GSTO2: variants seen among roughly 807,000 people sequenced by gnomAD.
GSTO2 encodes glutathione S-transferase omega 2.
Under a neutral mutation model 28.4 loss-of-function variants are expected in GSTO2, and 23 were observed. That is an observed-to-expected ratio of 0.81 (90% CI 0.58 to 1.15). The LOEUF is 1.15. Ranked by LOEUF, GSTO2 falls within the 50% of genes most tolerant of loss-of-function variation. GSTO2 has a pLI of 0.00. For synonymous variants in GSTO2, 109 were observed against 111.0 expected (o/e 0.98, Z 0.11); for missense variants, 298 against 297.8 (o/e 1.00, Z 0.00).
intron 4 of GSTO2, 23 bp downstream of exon 4, chr10:104,278,139 C>T: frequency 6.4e-7 from 1 of 1,558,354 alleles, no homozygotes; most frequent in Non-Finnish European, 8.8e-7. Context: ...TAAAAAGTCA[C>T]TCACACTGTA....
intron 3 of GSTO2, 85 bp downstream of exon 3, chr10:104,275,419 C>T (rs2011586721): frequency 3.4e-5 from 42 of 1,238,616 alleles, no homozygotes; most frequent in Non-Finnish European, 4.5e-5. Flanking sequence ...GCGCCCTGCT[C>T]AGCTTTTACA....
intron 1 of GSTO2, among the ~76,000 whole-genome samples, chr10:104,269,728 T>C (rs1385468559): frequency 2.0e-5 from 3 of 152,176 alleles, no homozygotes; most frequent in Non-Finnish European, 2.9e-5. Context: ...TAGCTAATGT[T>C]GAACACTTAC....
intron 5 of GSTO2, among the ~76,000 whole-genome samples, chr10:104,280,583 G>A (rs1425490205): frequency 6.6e-6 from 1 of 152,210 alleles, no homozygotes; most frequent in East Asian, 1.9e-4. Flanking sequence ...GAAGAAGGGG[G>A]AAATGGGTGC....
Position 104,274,841 on chromosome 10 carries a change from G to T in GSTO2, c.-75G>T. 6.5e-7 allele frequency: 1 copy of T among 1,548,420 alleles called. No individual in the cohort carries two copies. Among genetic ancestry groups the T allele is most frequent in the Non-Finnish European group, 8.8e-7 (1 of 1,137,500 alleles). Reference sequence around the variant, plus strand: ...GCGCGCCAGAGCGCAGCTGTTTCTGGAGCCTGCGGCAGCGGTGGCGAGCCA... The same window carrying T: ...GCGCGCCAGAGCGCAGCTGTTTCTGTAGCCTGCGGCAGCGGTGGCGAGCCA... On this transcript the variant is annotated 5_prime_UTR_variant, in exon 2 of 7. Coordinates refer to ENST00000338595, the MANE Select transcript of GSTO2 (RefSeq NM_183239.2).
intron 1 of GSTO2, among the ~76,000 whole-genome samples, chr10:104,271,244 C>A (rs1421326566): frequency 6.6e-6 from 1 of 152,214 alleles, no homozygotes; most frequent in East Asian, 1.9e-4. Flanking sequence ...ATTCAATTGG[C>A]ATTAAACTGG....
At position 104,274,924 on chromosome 10, in the gene GSTO2, G is replaced by A. The variant is rs779211866; in HGVS notation, c.9G>A (p.Gly3=). The change falls in exon 2 of 7, where the codon GGG becomes GGA. Residue 3 remains glycine (G), a synonymous_variant. Coordinates refer to ENST00000338595, the MANE Select transcript of GSTO2 (RefSeq NM_183239.2). MS[G]DATRTLGKGS... ...CAAACCACCTGGAGACCATGTCTGGGGATGCGACCAGGACCCTGGGGAAAG... is the reference window on the plus strand; with the variant it reads ...CAAACCACCTGGAGACCATGTCTGGAGATGCGACCAGGACCCTGGGGAAAG... The A allele has an allele frequency of 1.2e-6, 2 of 1,610,002 alleles. No homozygotes were observed. The highest frequency in any genetic ancestry group is 1.3e-5 in the African/African-American group (1 of 74,814).
intron 5 of GSTO2, among the ~76,000 whole-genome samples, chr10:104,290,799 A>T (rs977760260): frequency 1.3e-5 from 2 of 152,184 alleles, no homozygotes; most frequent in Non-Finnish European, 2.9e-5. Context: ...TACAAAAAAC[A>T]GAAAGAATGA....
chr10:104,304,206 C>T lies in GSTO2; in HGVS notation c.*4922C>T, dbSNP rs554053798. ...AAACACTGTGCCCACCTGGGAGACC[C>T]ATTTTCATTTATCTTCTTCTTTGAG... On this transcript the variant is annotated 3_prime_UTR_variant, in exon 7 of 7. Transcript: ENST00000338595. 23 of 152,434 alleles carry T rather than the reference C, an allele frequency of 1.5e-4. No individual in the cohort carries two copies. The highest frequency in any genetic ancestry group is 5.1e-4 in the African/African-American group (21 of 41,584). 9.4% of individuals were successfully genotyped at this position (152,434 alleles called of 1,614,324 possible).
chr10:104,274,498 G>A (rs1485062105), intron 1 of GSTO2, among the ~76,000 whole-genome samples, 187 bp from the exon 2 acceptor site: 3 of 151,652 alleles, frequency 2.0e-5, no homozygotes, highest in African/African-American at 7.3e-5. Flanking sequence ...ATTCAGAATG[G>A]GAAAAAAAAA....
rs1013222535 is a variant in GSTO2 at position 104,274,748 on chromosome 10, G to A, written c.-168G>A. The A allele has an allele frequency of 3.9e-6, 3 of 778,124 alleles. 1 individual carries two copies. Among genetic ancestry groups the A allele is most frequent in the South Asian group, 3.2e-5 (2 of 62,728 alleles). The allele number at this position is 778,124 out of a possible 1,614,324, so 48.2% of individuals were successfully genotyped here. On this transcript the variant is annotated 5_prime_UTR_variant, in exon 2 of 7. Coordinates refer to ENST00000338595, the MANE Select transcript of GSTO2 (RefSeq NM_183239.2). Reference sequence around the variant, plus strand: ...CCCAGGTTAAATTACCCTAGCTCCTGCTCCAGATCGCTTCCCCGTGCCCCG... The same window carrying A: ...CCCAGGTTAAATTACCCTAGCTCCTACTCCAGATCGCTTCCCCGTGCCCCG...
chr10:104,275,168 T>G, intron 2 of GSTO2, 58 bp from the exon 3 acceptor site: 2 of 1,551,790 alleles, frequency 1.3e-6, no homozygotes, highest in Non-Finnish European at 1.7e-6. Context: ...GCGAGCTCCT[T>G]CCTCACCGGG....
intron 5 of GSTO2, among the ~76,000 whole-genome samples, chr10:104,284,363 G>GA (rs564443029): frequency 2.0e-4 from 29 of 148,612 alleles, no homozygotes; most frequent in African/African-American, 3.9e-4. Flanking sequence ...TTGTCTCCAA[G>GA]AAAAAAAAAA....
intron 4 of GSTO2, among the ~76,000 whole-genome samples, chr10:104,279,081 T>A (rs902562050): frequency 6.6e-6 from 1 of 152,026 alleles, no homozygotes; most frequent in Non-Finnish European, 1.5e-5. Context: ...CTTAGAGAGG[T>A]TGAGTGTCCC....
chr10:104,276,456 A>G (rs7896341), intron 3 of GSTO2, among the ~76,000 whole-genome samples: 4,471 of 152,342 alleles, frequency 0.029, 205 homozygotes, highest in African/African-American at 0.1. Context: ...GAGGTGGGAT[A>G]GAAGCTGTCC....
At chr10:104,287,887 CTTTT>C (rs397760653) in intron 5 of GSTO2, among the ~76,000 whole-genome samples, 1 of 116,208 alleles carries the variant, frequency 8.6e-6, no homozygotes, top group Non-Finnish European at 1.8e-5. Flanking sequence ...GAAAAAAACA[CTTTT>C]TTTTTTTTTT....
chr10:104,287,094 C>T (rs1957300002), intron 5 of GSTO2, among the ~76,000 whole-genome samples: 1 of 152,212 alleles, frequency 6.6e-6, no homozygotes, highest in Admixed American at 6.5e-5. Flanking sequence ...TACTCTGTTG[C>T]CCAGGCTGGA....
At chr10:104,283,321 A>G (rs1287140163) in intron 5 of GSTO2, among the ~76,000 whole-genome samples, 1 of 152,208 alleles carries the variant, frequency 6.6e-6, no homozygotes, top group East Asian at 1.9e-4. Flanking sequence ...GTCCCATAGA[A>G]TGTTAGCAAG....
chr10:104,288,001 C>T (rs543925000), intron 5 of GSTO2, among the ~76,000 whole-genome samples: 34 of 150,968 alleles, frequency 2.3e-4, no homozygotes, highest in African/African-American at 7.8e-4. Flanking sequence ...CATTCTCCTG[C>T]CTCAGCCTCC....
At position 104,299,297 on chromosome 10, in the gene GSTO2, A is replaced by T. The variant is rs776819771; in HGVS notation, c.*13A>T. On this transcript the variant is annotated 3_prime_UTR_variant, in exon 7 of 7. Transcript: ENST00000338595. ...TGGGCTGTGCTGAGTCTCACTGTCC[A>T]CCCCTTCGCTGTCCAGAATTCCCCA... 1.7e-5 allele frequency: 27 copies of T among 1,613,100 alleles called. No homozygotes were observed. Among genetic ancestry groups the T allele is most frequent in the Non-Finnish European group, 2.2e-5 (26 of 1,179,738 alleles).
Sources: allele counts gnomAD v4.1 joint callset (sites outside exome capture counted in the v4.1 genomes callset), GRCh38; gene constraint gnomAD v4.1.1; transcripts MANE v1.5; gene names NCBI Gene and HGNC (gene_info 2026-07-23, HGNC 2026-07-21).